LY96: variants seen among roughly 807,000 people sequenced by gnomAD.
LY96 encodes the protein lymphocyte antigen 96.
Under a neutral mutation model 18.9 loss-of-function variants are expected in LY96, and 18 were observed. That is an observed-to-expected ratio of 0.95 (90% CI 0.66 to 1.41). The LOEUF (loss-of-function observed/expected upper bound fraction) is 1.41, where lower values mean the gene tolerates loss of function less well. Ranked by LOEUF, LY96 falls within the 40% of genes most tolerant of loss-of-function variation. LY96 has a pLI of 0.00. For missense variants in LY96, 175 were observed against 182.4 expected, an observed-to-expected ratio of 0.96 and a Z score of 0.23; for synonymous variants, 66 against 62.6, an observed-to-expected ratio of 1.06 and a Z score of -0.26.
chr8:74,002,062 C>CTTTCTTT lies in LY96; in HGVS notation c.113-2734_113-2733insTTTCTTT, dbSNP rs1563710783. 1.3e-3 allele frequency among the ~76,000 whole-genome samples: 39 copies of CTTTCTTT among 29,316 alleles called. 9 individuals carry two copies. The highest frequency in any genetic ancestry group is 1.7e-3 in the African/African-American group (9 of 5,250). 19.2% of individuals were successfully genotyped at this position (29,316 alleles called of 152,430 possible). A position where few individuals can be genotyped will look rare whatever the true frequency, so the allele number is the denominator to read the frequency against. On this transcript the variant is annotated intron_variant, in intron 1 of 4. Coordinates refer to ENST00000284818, the MANE Select transcript of LY96 (RefSeq NM_015364.5). Reference sequence around the variant, plus strand: ...TCCTTCCTTCCTTCCTTCCTTCCTTCCTTCCTTCCTTCCTTTCTTTCTTTC... The same window carrying CTTTCTTT: ...TCCTTCCTTCCTTCCTTCCTTCCTTCTTTCTTTCTTCCTTCCTTCCTTTCTTTCTTTC...
rs1169617981 is a variant in LY96 at position 74,028,190 on chromosome 8, G to T, written c.385-766G>T. Among the ~76,000 whole-genome samples, 4 of 152,166 alleles carry T rather than the reference G, an allele frequency of 2.6e-5. No individual in the cohort carries two copies. The East Asian group carries it at 7.7e-4, about 29-fold the overall frequency. On this transcript the variant is annotated intron_variant, in intron 4 of 4. Coordinates refer to ENST00000284818, the MANE Select transcript of LY96 (RefSeq NM_015364.5). The stretch of plus-strand genomic sequence containing the variant: ...CAGTTGTTAGTGAGACCTGGCCTTG[G>T]CCTCCCAAACTGCTGGGATTATAGG...
intron 3 of LY96, among the ~76,000 whole-genome samples, chr8:74,024,466 T>G (rs1267870803): frequency 6.6e-6 from 1 of 152,008 alleles, no homozygotes; most frequent in Non-Finnish European, 1.5e-5. Context: ...GGAATAATAT[T>G]AAATGTTATA....
the LY96 span, among the ~76,000 whole-genome samples, chr8:74,097,641 G>A: frequency 2.0e-5 from 3 of 152,108 alleles, no homozygotes; most frequent in Non-Finnish European, 2.9e-5. Context: ...CCCGGCAGGC[G>A]GAGGTTGCAG....
At chr8:74,050,512 T>G in the LY96 span, among the ~76,000 whole-genome samples, 6 of 151,998 alleles carry the variant, frequency 3.9e-5, no homozygotes, top group African/African-American at 1.4e-4. Context: ...ATAATAAGAA[T>G]ATAAAATAAT....
intron 3 of LY96, among the ~76,000 whole-genome samples, chr8:74,017,853 A>G (rs945490861): frequency 6.6e-6 from 1 of 152,234 alleles, no homozygotes; most frequent in African/African-American, 2.4e-5. Context: ...GCAAATGCTG[A>G]GAGATTTTGC....
the LY96 span, among the ~76,000 whole-genome samples, chr8:74,042,150 A>G: frequency 6.6e-6 from 1 of 152,252 alleles, no homozygotes; most frequent in Non-Finnish European, 1.5e-5. Flanking sequence ...TTAGCTAAAA[A>G]TAAACATTTT....
downstream of LY96, among the ~76,000 whole-genome samples, chr8:74,030,296 T>C (rs1000003109): frequency 1.3e-5 from 2 of 152,176 alleles, no homozygotes; most frequent in African/African-American, 4.8e-5. Context: ...GCAGATCACC[T>C]GAGGTCAGGA....
the LY96 span, among the ~76,000 whole-genome samples, chr8:74,066,216 A>T: frequency 0.01 from 1,540 of 152,186 alleles, 13 homozygotes; most frequent in Non-Finnish European, 0.013. Context: ...ATATGGCAGA[A>T]GGGGTAGTGG....
the LY96 span, among the ~76,000 whole-genome samples, chr8:74,086,662 A>G: frequency 6.6e-6 from 1 of 152,222 alleles, no homozygotes; most frequent in African/African-American, 2.4e-5. Context: ...TCTGAATGTT[A>G]ATCCTCCCCT....
At chr8:74,011,990 G>A (rs183923239) in intron 3 of LY96, among the ~76,000 whole-genome samples, 2 of 151,570 alleles carry the variant, frequency 1.3e-5, no homozygotes, top group East Asian at 3.9e-4. Flanking sequence ...GTTGCAATGA[G>A]ATATCATCTT....
chr8:74,098,546 T>G, the LY96 span, among the ~76,000 whole-genome samples: 1 of 152,112 alleles, frequency 6.6e-6, no homozygotes, highest in East Asian at 1.9e-4. Context: ...CAGCTAATAT[T>G]TTGTATTTTT....
the LY96 span, among the ~76,000 whole-genome samples, chr8:74,055,688 A>T: frequency 4.6e-5 from 7 of 152,340 alleles, no homozygotes; most frequent in Admixed American, 4.6e-4. Context: ...TAGATCATCC[A>T]GGTGGCACAA....
chr8:74,047,507 T>G, the LY96 span, among the ~76,000 whole-genome samples: 40,602 of 152,042 alleles, frequency 0.27, 6,575 homozygotes, highest in African/African-American at 0.46. Flanking sequence ...TTGAAAGTTG[T>G]GTAAAGCATC....
the LY96 span, among the ~76,000 whole-genome samples, chr8:74,044,383 G>A: frequency 2.0e-5 from 3 of 151,934 alleles, no homozygotes; most frequent in Non-Finnish European, 4.4e-5. Context: ...TAGAAATGGG[G>A]TCTTAATAAG....
At chr8:73,998,710 C>T (rs1336678999) in intron 1 of LY96, among the ~76,000 whole-genome samples, 1 of 151,968 alleles carries the variant, frequency 6.6e-6, no homozygotes, top group Non-Finnish European at 1.5e-5. Flanking sequence ...GGAAAAATGC[C>T]ATTAGGATTT....
chr8:74,015,191 A>G (rs1023333144), intron 3 of LY96, among the ~76,000 whole-genome samples: 6 of 152,156 alleles, frequency 3.9e-5, no homozygotes, highest in Non-Finnish European at 1.5e-5. Context: ...TGGGCAACAG[A>G]GCAAGATCCT....
At chr8:74,097,660 C>T in the LY96 span, among the ~76,000 whole-genome samples, 42 of 152,220 alleles carry the variant, frequency 2.8e-4, 2 homozygotes, top group South Asian at 5.6e-3. Flanking sequence ...AGTGAGCTAT[C>T]GTGCCACTGC....
the LY96 span, among the ~76,000 whole-genome samples, chr8:74,080,059 G>A: frequency 6.6e-6 from 1 of 152,170 alleles, no homozygotes; most frequent in Admixed American, 6.5e-5. Flanking sequence ...TGAAAAGAGC[G>A]AAGGAGTGGT....
At chr8:74,038,097 T>C in the LY96 span, among the ~76,000 whole-genome samples, 1 of 152,210 alleles carries the variant, frequency 6.6e-6, no homozygotes, top group Non-Finnish European at 1.5e-5. Context: ...CTTCCAAGAA[T>C]ACATAAGGTA....
Sources: allele counts gnomAD v4.1 joint callset (sites outside exome capture counted in the v4.1 genomes callset), GRCh38; gene constraint gnomAD v4.1.1; transcripts MANE v1.5; gene names NCBI Gene and HGNC (gene_info 2026-07-23, HGNC 2026-07-21).